Variants in DZANK1 observed in about 807,000 individuals in gnomAD.
DZANK1 encodes double zinc ribbon and ankyrin repeat-containing protein 1.
Under a neutral mutation model 94.5 loss-of-function variants are expected in DZANK1, and 91 were observed. That is an observed-to-expected ratio of 0.96 (90% confidence interval 0.81 to 1.15). The LOEUF is 1.15. Among genes scored for constraint, DZANK1 ranks in the 50% most tolerant of loss-of-function variants. The probability of loss-of-function intolerance (pLI) is 0.00; values close to 1 mark genes in which losing one functional copy is unlikely to be tolerated. For missense variants in DZANK1, 903 were observed against 916.4 expected, an observed-to-expected ratio of 0.99 and a Z score of 0.19; for synonymous variants, 312 against 325.3, an observed-to-expected ratio of 0.96 and a Z score of 0.44.
intron 2 of DZANK1, among the ~76,000 whole-genome samples, chr20:18,462,498 T>A (rs534162058): frequency 1.3e-5 from 2 of 152,202 alleles, no homozygotes; most frequent in Admixed American, 1.3e-4. Context: ...AACACACACA[T>A]GAAAAAATGC....
intron 10 of DZANK1, among the ~76,000 whole-genome samples, chr20:18,417,294 A>G (rs2057541012): frequency 6.6e-6 from 1 of 152,262 alleles, no homozygotes; most frequent in African/African-American, 2.4e-5. Context: ...CATCACTGAC[A>G]GTTAACAAAA....
At chr20:18,449,571 T>C (rs950476080) in intron 6 of DZANK1, among the ~76,000 whole-genome samples, 2 of 151,804 alleles carry the variant, frequency 1.3e-5, no homozygotes, top group African/African-American at 2.4e-5. Flanking sequence ...CTGGCCAACA[T>C]GGCGAAGCCC....
At chr20:18,427,587 C>T (rs1348975178) in intron 9 of DZANK1, among the ~76,000 whole-genome samples, 2 of 149,130 alleles carry the variant, frequency 1.3e-5, no homozygotes, top group Non-Finnish European at 3.0e-5. Context: ...AAATTCTGCA[C>T]TGGTTATGTG....
exon 13 of DZANK1, chr20:18,412,674 G>C (rs2057313453): frequency 1.9e-6 from 3 of 1,613,058 alleles, no homozygotes; most frequent in Admixed American, 1.7e-5. Context: ...CTGTCAGGAG[G>C]GGTTTATGGT....
chr20:18,460,022 G>T, intron 3 of DZANK1, 131 bp downstream of exon 3: 1 of 670,860 alleles, frequency 1.5e-6, no homozygotes, highest in Non-Finnish European at 2.3e-6. Flanking sequence ...ACATACATAT[G>T]CTGAAATTAA....
intron 10 of DZANK1, among the ~76,000 whole-genome samples, chr20:18,424,554 T>C (rs1171903993): frequency 6.6e-6 from 1 of 152,152 alleles, no homozygotes; most frequent in East Asian, 1.9e-4. Context: ...GGAACCTTTA[T>C]ATATTGCTAG....
chr20:18,420,730 G>A (rs1385586128), intron 10 of DZANK1: 1 of 180,272 alleles, frequency 5.5e-6, no homozygotes, highest in Non-Finnish European at 1.2e-5. Flanking sequence ...CTTTGAGACT[G>A]TCTTCACCCA....
chr20:18,430,348 A>T (rs561893016), intron 9 of DZANK1, among the ~76,000 whole-genome samples: 1 of 152,354 alleles, frequency 6.6e-6, no homozygotes, highest in South Asian at 2.1e-4. Context: ...GGAGTATTTC[A>T]GACCTAAGCC....
At chr20:18,433,751 T>C (rs1188848850) in exon 9 of DZANK1, 3 of 1,613,888 alleles carry the variant, frequency 1.9e-6, no homozygotes, top group Non-Finnish European at 2.5e-6. Flanking sequence ...TTCTGCATTC[T>C]GCACACAAGC....
chr20:18,386,338 C>A (rs1484890031), intron 19 of DZANK1, among the ~76,000 whole-genome samples: 1 of 152,152 alleles, frequency 6.6e-6, no homozygotes, highest in African/African-American at 2.4e-5. Context: ...AGCCCAAACT[C>A]CATTCTCAAA....
chr20:18,409,835 C>T (rs2057152823), intron 13 of DZANK1, among the ~76,000 whole-genome samples: 1 of 151,920 alleles, frequency 6.6e-6, no homozygotes, highest in South Asian at 2.1e-4. Context: ...TTCGGGAGGC[C>T]AAGGCGGGTG....
Position 18,396,556 on chromosome 20 carries a change from G to A in DZANK1, c.1537-10C>T, listed in dbSNP as rs1398708785. On this transcript the variant is annotated splice_polypyrimidine_tract_variant and intron_variant, in intron 14 of 20. Coordinates refer to ENST00000262547, the Ensembl canonical transcript of DZANK1. Reference sequence around the variant, plus strand: ...CAGTAGCAGAGATAAGCTTTTAAAAGAGTTGTAGAGAGAATTCATAACTGT... The same window carrying A: ...CAGTAGCAGAGATAAGCTTTTAAAAAAGTTGTAGAGAGAATTCATAACTGT... The A allele has an allele frequency of 6.2e-7, 1 of 1,607,454 alleles. No homozygotes were observed. Among genetic ancestry groups the A allele is most frequent in the East Asian group, 2.2e-5 (1 of 44,716 alleles).
intron 1 of DZANK1, among the ~76,000 whole-genome samples, chr20:18,466,448 G>A (rs1460039100): frequency 6.6e-6 from 1 of 152,184 alleles, no homozygotes; most frequent in Non-Finnish European, 1.5e-5. Flanking sequence ...TGAACTTAAT[G>A]CCTTGTTGGA....
chr20:18,386,049 T>C (rs1247484336), intron 19 of DZANK1, among the ~76,000 whole-genome samples: 1 of 152,118 alleles, frequency 6.6e-6, no homozygotes, highest in Non-Finnish European at 1.5e-5. Flanking sequence ...GAATAGGCAT[T>C]GACGGTCTGA....
At chr20:18,432,682 T>C (rs1227833294) in intron 9 of DZANK1, 1 of 152,246 alleles carries the variant, frequency 6.6e-6, no homozygotes, top group Non-Finnish European at 1.5e-5. Flanking sequence ...GGCCTGTACA[T>C]AATGCCATGC....
At chr20:18,409,598 T>C (rs1252739604) in intron 13 of DZANK1, among the ~76,000 whole-genome samples, 2 of 140,674 alleles carry the variant, frequency 1.4e-5, no homozygotes, top group African/African-American at 2.6e-5. Flanking sequence ...ACCACCACCA[T>C]CACCACCAGT....
intron 19 of DZANK1, among the ~76,000 whole-genome samples, chr20:18,386,096 A>G (rs1600688966): frequency 6.6e-6 from 1 of 152,102 alleles, no homozygotes; most frequent in Admixed American, 6.6e-5. Flanking sequence ...TGACGCCATC[A>G]CCCTCATCCT....
exon 12 of DZANK1, chr20:18,414,362 G>C (rs756393566): frequency 6.2e-7 from 1 of 1,613,886 alleles, no homozygotes; most frequent in South Asian, 1.1e-5. Context: ...GAAAAAGGGC[G>C]AGGTTCCTCA....
chr20:18,401,516 G>A (rs2056680831), intron 13 of DZANK1, among the ~76,000 whole-genome samples: 3 of 152,164 alleles, frequency 2.0e-5, no homozygotes, highest in Admixed American at 6.5e-5. Context: ...CTGCAGGGAC[G>A]GTTCATCTCT....
Sources: gnomAD v4.1 joint callset for allele counts (sites outside exome capture counted in the v4.1 genomes callset) on GRCh38, gnomAD v4.1.1 for gene constraint, MANE v1.5 for transcripts, NCBI Gene and HGNC (gene_info 2026-07-23, HGNC 2026-07-21) for gene names.